Variants in BCAS3 observed in about 807,000 individuals in gnomAD.
The protein encoded by BCAS3 is BCAS4/BCAS3 fusion.
In BCAS3, 53 loss-of-function variants were observed where a neutral mutation model predicts 116.1. The observed-to-expected ratio is 0.46, with a 90% CI of 0.37 to 0.57. The LOEUF is 0.57. Ranked by LOEUF, BCAS3 falls within the 20% of genes least tolerant of loss-of-function variation. The pLI is 0.00. For synonymous variants in BCAS3, 391 were observed against 408.2 expected (o/e 0.96, Z 0.51); for missense variants, 917 against 1,165.4 (o/e 0.79, Z 3.10).
chr17:60,932,785 A>T (rs1461507679), intron 13 of BCAS3, among the ~76,000 whole-genome samples: 3 of 149,700 alleles, frequency 2.0e-5, no homozygotes, highest in Non-Finnish European at 3.0e-5. Context: ...CTCCATCTCT[A>T]TATATTGGGA....
chr17:60,730,284 A>G (rs887342449), intron 5 of BCAS3, among the ~76,000 whole-genome samples: 1 of 152,292 alleles, frequency 6.6e-6, no homozygotes, highest in Middle Eastern at 3.4e-3. Context: ...AGTTCCATTC[A>G]TTATTTGTGT....
intron 19 of BCAS3, among the ~76,000 whole-genome samples, chr17:61,046,791 T>G (rs1203665640): frequency 6.6e-6 from 1 of 151,918 alleles, no homozygotes; most frequent in African/African-American, 2.4e-5. Context: ...ATTTTTTTTG[T>G]GTGTGTTTGG....
rs1291638792 is a variant in BCAS3 at position 61,023,379 on chromosome 17, G to C, written c.1637+7478G>C. On this transcript the variant is annotated intron_variant, in intron 16 of 23. Coordinates refer to ENST00000407086, the MANE Select transcript of BCAS3 (RefSeq NM_017679.5). This position sits in a 1 kb window ranked among gnomAD's most constrained non-coding sequence, Gnocchi z 4.8. ...CTGTGGCAGTGCCTGAATTGTCTTAGGACATGATTAATTGAAAAATAAGGT... is the reference window on the plus strand; with the variant it reads ...CTGTGGCAGTGCCTGAATTGTCTTACGACATGATTAATTGAAAAATAAGGT... Among the ~76,000 whole-genome samples, 1 of 152,078 alleles carries C rather than the reference G, an allele frequency of 6.6e-6. No individual in the cohort carries two copies. The highest frequency in any genetic ancestry group is 1.5e-5 in the Non-Finnish European group (1 of 68,012).
At position 61,041,681 on chromosome 17, in the gene BCAS3, A is replaced by C. The variant is rs2067520623; in HGVS notation, c.2029+789A>C. On this transcript the variant is annotated intron_variant, in intron 19 of 23. Transcript: ENST00000407086. This position sits in a 1 kb window ranked among gnomAD's most constrained non-coding sequence, Gnocchi z 4.7. ...TGTCTTGCCCGGTATATTAGAAAGC[A>C]TGAATTAAAATAGTTGTCGAATGAT... 6.6e-6 allele frequency among the ~76,000 whole-genome samples: 1 copy of C among 152,064 alleles called. No individual in the cohort carries two copies. The highest frequency in any genetic ancestry group is 2.1e-4 in the South Asian group (1 of 4,824).
In BCAS3 at chr17:61,222,160, G is replaced by T. The variant is rs967243276; in HGVS notation, c.2425+137596G>T. Among the ~76,000 whole-genome samples, 6 of 152,146 alleles carry T rather than the reference G, an allele frequency of 3.9e-5. No homozygotes were observed. The highest frequency in any genetic ancestry group is 6.5e-5 in the Admixed American group (1 of 15,276). ...ATACAAATATAGAGAACATATAGTG[G>T]CAGAATAAATAAGCCAAGATATGAA... On this transcript the variant is annotated intron_variant, in intron 22 of 23. Transcript: ENST00000407086. The surrounding 1 kb of genome is among the most constrained non-coding windows in gnomAD (Gnocchi z 6.1).
At chr17:60,920,195 G>A (rs1350726807) in intron 12 of BCAS3, among the ~76,000 whole-genome samples, 1 of 152,154 alleles carries the variant, frequency 6.6e-6, no homozygotes, top group African/African-American at 2.4e-5. Context: ...CTTTGGTAAA[G>A]AATTTTTGGC....
intron 5 of BCAS3, among the ~76,000 whole-genome samples, chr17:60,741,889 TA>T (rs1351927448): frequency 6.6e-6 from 1 of 152,236 alleles, no homozygotes; most frequent in East Asian, 1.9e-4. Context: ...ACATGTTTAC[TA>T]AAAGACATTT....
Position 60,964,998 on chromosome 17 carries a change from A to G in BCAS3, c.1221+17646A>G, listed in dbSNP as rs1338234798. On this transcript the variant is annotated intron_variant, in intron 14 of 23. Transcript: ENST00000407086. This position sits in a 1 kb window ranked among gnomAD's most constrained non-coding sequence, Gnocchi z 4.6. ...TTTTTGAAAACCAATGTTTTGTTCT[A>G]TTGATCTGTATTTCTTTTTAGCTTC... is the stretch of plus-strand genomic sequence containing the variant. 1.3e-5 allele frequency among the ~76,000 whole-genome samples: 2 copies of G among 151,772 alleles called. No homozygotes were observed. Among genetic ancestry groups the G allele is most frequent in the Non-Finnish European group, 1.5e-5 (1 of 67,958 alleles).
chr17:61,084,463 G>T lies in BCAS3; in HGVS notation c.2328-4G>T. On this transcript the variant is annotated splice_polypyrimidine_tract_variant and splice_region_variant and intron_variant, in intron 21 of 23. Transcript: ENST00000407086. This position sits in a 1 kb window ranked among gnomAD's most constrained non-coding sequence, Gnocchi z 5.5. The stretch of plus-strand genomic sequence containing the variant: ...TATGTGAATTAAATTAAATTGCATT[G>T]CAGGATCCAGCCAGTCCGCTCTGAC... The T allele has an allele frequency of 6.2e-7, 1 of 1,600,118 alleles. No homozygotes were observed. The highest frequency in any genetic ancestry group is 1.3e-5 in the African/African-American group (1 of 74,116).
At chr17:60,923,492 C>T (rs1171006294) in intron 12 of BCAS3, among the ~76,000 whole-genome samples, 1 of 152,110 alleles carries the variant, frequency 6.6e-6, no homozygotes, top group East Asian at 1.9e-4. Context: ...GGTTTATATT[C>T]TGAGCTCTAA....
At chr17:60,685,627 G>A (rs1039167726) in intron 3 of BCAS3, among the ~76,000 whole-genome samples, 6 of 151,990 alleles carry the variant, frequency 3.9e-5, no homozygotes, top group African/African-American at 1.2e-4. Flanking sequence ...AGGCTTAAAG[G>A]GTGTCATGTA....
chr17:60,812,854 C>G (rs1041321507), intron 7 of BCAS3, among the ~76,000 whole-genome samples: 4 of 152,128 alleles, frequency 2.6e-5, no homozygotes, highest in Admixed American at 6.5e-5. Context: ...ATCCTCCCAT[C>G]TCAGCCTCCT....
At chr17:60,727,589 T>A in intron 5 of BCAS3, 1 of 824,690 alleles carries the variant, frequency 1.2e-6, no homozygotes, top group Non-Finnish European at 1.8e-6. Flanking sequence ...ACAGACTTTA[T>A]TTTTAAGGGC....
rs2058662604 is a variant in BCAS3, at chr17:61,365,215, C to T, written c.2426-3112C>T. Among the ~76,000 whole-genome samples the T allele has an allele frequency of 6.6e-6, 1 of 152,194 alleles. No individual in the cohort carries two copies. The highest frequency in any genetic ancestry group is 2.4e-5 in the African/African-American group (1 of 41,444). ...TGACACTAGCTCATGATTCTTTTCTCGTGCGTACTGTTACTTTATCCCTTA... is the reference window on the plus strand; with the variant it reads ...TGACACTAGCTCATGATTCTTTTCTTGTGCGTACTGTTACTTTATCCCTTA... On this transcript the variant is annotated intron_variant, in intron 22 of 23. Transcript: ENST00000407086. This position sits in a 1 kb window ranked among gnomAD's most constrained non-coding sequence, Gnocchi z 4.6.
intron 15 of BCAS3, among the ~76,000 whole-genome samples, chr17:61,001,778 C>T (rs1483785742): frequency 6.6e-6 from 1 of 151,974 alleles, no homozygotes; most frequent in Non-Finnish European, 1.5e-5. Flanking sequence ...TAAAGTTTTC[C>T]TGGTGAATTT....
chr17:60,793,390 T>G (rs971021831), intron 6 of BCAS3, among the ~76,000 whole-genome samples: 1 of 152,152 alleles, frequency 6.6e-6, no homozygotes, highest in Non-Finnish European at 1.5e-5. Flanking sequence ...CCACCGTGCC[T>G]GGCCTTTATT....
intron 19 of BCAS3, among the ~76,000 whole-genome samples, chr17:61,066,858 A>G (rs2070680250): frequency 6.6e-6 from 1 of 152,104 alleles, no homozygotes; most frequent in African/African-American, 2.4e-5. Context: ...ACCTATCCTA[A>G]CCTGTATTAA....
chr17:61,133,425 G>A lies in BCAS3; in HGVS notation c.2425+48861G>A, dbSNP rs114178595. On this transcript the variant is annotated intron_variant, in intron 22 of 23. Transcript: ENST00000407086. ...AGTTCTGTAGGAAAAAACAAAAATTGCTGCCACTCATCTACCAAGAGACAA... is the reference window on the plus strand; with the variant it reads ...AGTTCTGTAGGAAAAAACAAAAATTACTGCCACTCATCTACCAAGAGACAA... Among the ~76,000 whole-genome samples, 483 of 152,206 alleles carry A rather than the reference G, an allele frequency of 3.2e-3. 3 individuals are homozygous for A. Among genetic ancestry groups the A allele is most frequent in the African/African-American group, 0.011 (468 of 41,520 alleles).
At position 61,200,771 on chromosome 17, in the gene BCAS3, T is replaced by C. The variant is rs1156948185; in HGVS notation, c.2425+116207T>C. Among the ~76,000 whole-genome samples the C allele has an allele frequency of 2.0e-5, 3 of 152,224 alleles. No individual in the cohort carries two copies. Among genetic ancestry groups the C allele is most frequent in the African/African-American group, 4.8e-5 (2 of 41,452 alleles). ...ATAGGATCAGGTACAGTTAACCTGT[T>C]TGAGCCTAATAATCAAGTATTGTAC... is the stretch of plus-strand genomic sequence containing the variant. On this transcript the variant is annotated intron_variant, in intron 22 of 23. Transcript: ENST00000407086. This position sits in a 1 kb window ranked among gnomAD's most constrained non-coding sequence, Gnocchi z 5.1.
Sources: gnomAD v4.1 joint callset for allele counts (sites outside exome capture counted in the v4.1 genomes callset) on GRCh38, gnomAD v4.1.1 for gene constraint, Gnocchi (gnomAD v3.1) non-coding constraint, MANE v1.5 for transcripts, NCBI Gene and HGNC (gene_info 2026-07-23, HGNC 2026-07-21) for gene names.